Variants in ANOS1 observed in about 807,000 individuals in gnomAD.
The protein encoded by ANOS1 is anosmin 1, also known as anosmin-1.
In ANOS1, 6 loss-of-function variants were observed where a neutral mutation model predicts 59.0. The ratio of observed to expected loss-of-function variants is 0.10; its 90% confidence interval spans 0.06 to 0.20. The LOEUF (loss-of-function observed/expected upper bound fraction) is 0.20, where lower values mean the gene tolerates loss of function less well. Among genes scored for constraint, ANOS1 ranks in the 10% least tolerant of loss-of-function variants. ANOS1 has a pLI of 1.00. For synonymous variants in ANOS1, 217 were observed against 223.4 expected (o/e 0.97, Z 0.25); for missense variants, 433 against 542.3 (o/e 0.80, Z 2.00).
intron 2 of ANOS1, among the ~76,000 whole-genome samples, chrX:8,653,541 C>G (rs772218731): frequency 1.2e-4 from 13 of 111,922 alleles, no homozygotes; most frequent in African/African-American, 4.2e-4. Context: ...CTTGAAAGTA[C>G]TTCCCCACAT....
Position 8,530,007 on chromosome X carries a change from T to C in ANOS1, c.*2988A>G, listed in dbSNP as rs760586569. On this transcript the variant is annotated 3_prime_UTR_variant, in exon 14 of 14. Coordinates refer to ENST00000262648, the MANE Select transcript of ANOS1 (RefSeq NM_000216.4). ...TTTCAGGACACAGATGTATTTCTAA[T>C]CTTTGAACTTCGTTTAATACACATT... 3.6e-5 allele frequency: 4 copies of C among 111,930 alleles called. No homozygotes were observed. Among genetic ancestry groups the C allele is most frequent in the Non-Finnish European group, 7.5e-5 (4 of 53,213 alleles). The allele number at this position is 111,930 out of a possible 1,213,427, so 9.2% of individuals were successfully genotyped here. A position where few individuals can be genotyped will look rare whatever the true frequency, so the allele number is the denominator to read the frequency against.
chrX:8,614,275 CT>C (rs1931120731), intron 3 of ANOS1, among the ~76,000 whole-genome samples: 1 of 112,302 alleles, frequency 8.9e-6, no homozygotes, highest in Non-Finnish European at 1.9e-5. Context: ...ACAAAAATCA[CT>C]TTCTCAACTG....
intron 8 of ANOS1, among the ~76,000 whole-genome samples, chrX:8,558,067 C>T (rs1240366751): frequency 9.1e-6 from 1 of 109,474 alleles, no homozygotes; most frequent in Non-Finnish European, 1.9e-5. Flanking sequence ...CAAACTAACG[C>T]AGGAACAGAA....
rs149299309 is a variant in ANOS1 at position 8,535,806 on chromosome X, C to T, written c.1627G>A (p.Val543Ile). Residue 543 changes from valine to isoleucine, a missense_variant, in exon 12 of 14, where the codon GTT becomes ATT. Val to Ile is a conservative substitution (Grantham distance 29). Transcript: ENST00000262648. Reference protein sequence around the residue: ...PVGCLGEAGHVLSKVLAKPEN... With the variant: ...PVGCLGEAGHILSKVLAKPEN... Reference sequence around the variant, plus strand: ...GGCTTAGCTAGCACCTTAGAAAGAACATGACCTGCAGCAATGCAAGAAGGA... The same window carrying T: ...GGCTTAGCTAGCACCTTAGAAAGAATATGACCTGCAGCAATGCAAGAAGGA... The T allele has an allele frequency of 1.1e-3, 1,270 of 1,198,519 alleles. 11 individuals carry two copies. Among genetic ancestry groups the T allele is most frequent in the Non-Finnish European group, 3.1e-4 (278 of 884,230 alleles).
chrX:8,537,318 A>T (rs1194682817), intron 10 of ANOS1, among the ~76,000 whole-genome samples: 6 of 112,075 alleles, frequency 5.4e-5, no homozygotes, highest in Middle Eastern at 4.6e-3. Context: ...TCTGAGACAT[A>T]GAATTAGTTT....
intron 1 of ANOS1, among the ~76,000 whole-genome samples, chrX:8,730,361 C>T (rs1473098638): frequency 8.9e-6 from 1 of 112,296 alleles, no homozygotes; most frequent in Non-Finnish European, 1.9e-5. Context: ...GTCTTCCATT[C>T]CCTGAAGACG....
At chrX:8,535,208 C>T (rs1309321842) in intron 12 of ANOS1, 1 of 147,345 alleles carries the variant, frequency 6.8e-6, no homozygotes, top group African/African-American at 3.2e-5. Context: ...GACGGACAAA[C>T]AACAAGCTTC....
chrX:8,643,212 T>C (rs1399374309), intron 2 of ANOS1, among the ~76,000 whole-genome samples: 1 of 111,898 alleles, frequency 8.9e-6, no homozygotes, highest in Non-Finnish European at 1.9e-5. Context: ...ATATAGAAGG[T>C]CTTTATTGAA....
At chrX:8,717,210 C>T (rs1422597821) in intron 1 of ANOS1, among the ~76,000 whole-genome samples, 1 of 112,233 alleles carries the variant, frequency 8.9e-6, no homozygotes, top group Middle Eastern at 4.2e-3. Context: ...AAAAAAGCAA[C>T]CTCCATCTTC....
intron 3 of ANOS1, among the ~76,000 whole-genome samples, chrX:8,622,650 A>G (rs969427518): frequency 9.0e-6 from 1 of 111,537 alleles, no homozygotes. Context: ...ATTCTCTACT[A>G]TTCTCCCCAA....
At chrX:8,723,725 C>T (rs941795101) in intron 1 of ANOS1, among the ~76,000 whole-genome samples, 1 of 111,951 alleles carries the variant, frequency 8.9e-6, no homozygotes, top group African/African-American at 3.2e-5. Context: ...CAAAGGATTG[C>T]AGGTCCTGGA....
chrX:8,535,904 G>T, intron 11 of ANOS1, 93 bp from the exon 12 acceptor site: 1 of 677,818 alleles, frequency 1.5e-6, no homozygotes, highest in Non-Finnish European at 2.4e-6. Flanking sequence ...GCCAGTCTAT[G>T]GGATGATATT....
chrX:8,716,732 T>C (rs1368148928), intron 1 of ANOS1, among the ~76,000 whole-genome samples: 1 of 111,755 alleles, frequency 8.9e-6, no homozygotes, highest in Non-Finnish European at 1.9e-5. Context: ...CTTGGTCATC[T>C]TGGCAACACC....
At chrX:8,609,699 T>C (rs1931007850) in intron 3 of ANOS1, among the ~76,000 whole-genome samples, 1 of 110,937 alleles carries the variant, frequency 9.0e-6, no homozygotes, top group Non-Finnish European at 1.9e-5. Flanking sequence ...GACTTGTTCT[T>C]GTTTCCTGTT....
chrX:8,534,180 A>G (rs1929548584), intron 13 of ANOS1, 139 bp downstream of exon 13: 1 of 629,847 alleles, frequency 1.6e-6, no homozygotes, highest in Non-Finnish European at 2.5e-6. Flanking sequence ...ACAGGGAGAA[A>G]GAATTTCAGA....
At chrX:8,720,022 G>A (rs1427599137) in intron 1 of ANOS1, among the ~76,000 whole-genome samples, 2 of 111,493 alleles carry the variant, frequency 1.8e-5, no homozygotes, top group Admixed American at 9.5e-5. Flanking sequence ...GTTCTCATGT[G>A]CAGCCTTGAG....
At chrX:8,726,748 G>C (rs1374703329) in intron 1 of ANOS1, among the ~76,000 whole-genome samples, 1 of 112,255 alleles carries the variant, frequency 8.9e-6, no homozygotes, top group Non-Finnish European at 1.9e-5. Context: ...GGTCAGAGGA[G>C]CAGGAGTGTC....
intron 2 of ANOS1, among the ~76,000 whole-genome samples, chrX:8,673,177 C>G (rs961090779): frequency 3.6e-5 from 4 of 110,641 alleles, no homozygotes; most frequent in African/African-American, 1.3e-4. Context: ...TAATGTGTCA[C>G]CATAAATTTA....
intron 9 of ANOS1, among the ~76,000 whole-genome samples, chrX:8,541,548 A>C (rs1929691384): frequency 1.0e-5 from 1 of 97,537 alleles, no homozygotes; most frequent in Admixed American, 1.1e-4. Flanking sequence ...CAGGACTTGA[A>C]GAAGGTGTAG....
Sources: allele counts gnomAD v4.1 joint callset (sites outside exome capture counted in the v4.1 genomes callset), GRCh38; gene constraint gnomAD v4.1.1; transcripts MANE v1.5; gene names NCBI Gene and HGNC (gene_info 2026-07-23, HGNC 2026-07-21).